The following MMP26 variants were observed in gnomAD, a reference collection of about 807,000 sequenced individuals.
The protein encoded by MMP26 is matrix metallopeptidase 26.
In MMP26, 33 loss-of-function variants were observed where a neutral mutation model predicts 31.0. The observed-to-expected ratio is 1.06, with a 90% CI of 0.81 to 1.42. The LOEUF (loss-of-function observed/expected upper bound fraction) is 1.42. Ranked by LOEUF, MMP26 falls within the 40% of genes most tolerant of loss-of-function variation. The pLI is 0.00. For missense variants in MMP26, 347 were observed against 316.1 expected, an observed-to-expected ratio of 1.10 and a Z score of -0.74; for synonymous variants, 122 against 114.9, an observed-to-expected ratio of 1.06 and a Z score of -0.40.
At chr11:4,738,940 A>C (rs1035570782) in intron 1 of MMP26, among the ~76,000 whole-genome samples, 1 of 151,858 alleles carries the variant, frequency 6.6e-6, no homozygotes, top group African/African-American at 2.4e-5. Flanking sequence ...TGGTCAATGG[A>C]TTTAACCCGT....
intron 1 of MMP26, among the ~76,000 whole-genome samples, chr11:4,726,084 G>T (rs1273754800): frequency 2.0e-5 from 3 of 152,072 alleles, no homozygotes; most frequent in Non-Finnish European, 4.4e-5. Flanking sequence ...TAGTTTGTTG[G>T]GAGACTTTGA....
At chr11:4,796,799 T>C (rs1338109057) in intron 2 of MMP26, among the ~76,000 whole-genome samples, 1 of 152,102 alleles carries the variant, frequency 6.6e-6, no homozygotes, top group African/African-American at 2.4e-5. Flanking sequence ...TCTCCTCCTT[T>C]GCTATACCTA....
chr11:4,822,484 T>C (rs1186223398), intron 2 of MMP26: 4 of 1,018,074 alleles, frequency 3.9e-6, no homozygotes, highest in African/African-American at 3.3e-5. Context: ...AACTAAGCAA[T>C]TTATAGGTTA....
intron 1 of MMP26, among the ~76,000 whole-genome samples, chr11:4,748,162 T>C (rs549373751): frequency 6.6e-6 from 1 of 152,154 alleles, no homozygotes; most frequent in East Asian, 1.9e-4. Context: ...CAAACTACTA[T>C]GAGCAACTCT....
intron 2 of MMP26, among the ~76,000 whole-genome samples, chr11:4,846,639 T>G (rs1028926466): frequency 6.6e-6 from 1 of 152,200 alleles, no homozygotes; most frequent in African/African-American, 2.4e-5. Flanking sequence ...TCACATTGCA[T>G]GCCTGTATCA....
intron 2 of MMP26, among the ~76,000 whole-genome samples, chr11:4,814,144 G>A (rs529712434): frequency 6.6e-6 from 1 of 152,298 alleles, no homozygotes; most frequent in Non-Finnish European, 1.5e-5. Context: ...ACAACACTAA[G>A]TATTGGTAAA....
intron 2 of MMP26, among the ~76,000 whole-genome samples, chr11:4,856,748 C>A (rs1246281508): frequency 1.3e-5 from 2 of 152,192 alleles, no homozygotes; most frequent in African/African-American, 2.4e-5. Context: ...GAACTCTCCA[C>A]CCCAAATCAA....
intron 2 of MMP26, among the ~76,000 whole-genome samples, chr11:4,768,479 A>G (rs1338792608): frequency 6.6e-6 from 1 of 152,230 alleles, no homozygotes; most frequent in Non-Finnish European, 1.5e-5. Context: ...TTTCTGCTAC[A>G]TGACTTTGGC....
intron 2 of MMP26, chr11:4,832,873 C>G (rs1849665263): frequency 5.1e-6 from 1 of 195,930 alleles, no homozygotes; most frequent in African/African-American, 2.3e-5. Context: ...CATATCTGTG[C>G]TGTACTCGTC....
At chr11:4,715,025 A>T (rs1478193419) in intron 1 of MMP26, among the ~76,000 whole-genome samples, 1 of 152,032 alleles carries the variant, frequency 6.6e-6, no homozygotes, top group East Asian at 1.9e-4. Context: ...ATATAATTTT[A>T]GGCAACACAG....
intron 2 of MMP26, among the ~76,000 whole-genome samples, chr11:4,940,395 T>C (rs536107026): frequency 5.3e-5 from 8 of 152,346 alleles, no homozygotes; most frequent in Admixed American, 4.6e-4. Context: ...TTATTTTTCT[T>C]GTTAATTTAA....
intron 1 of MMP26, among the ~76,000 whole-genome samples, chr11:4,724,636 G>C (rs11826347): frequency 0.018 from 2,717 of 152,294 alleles, 81 homozygotes; most frequent in African/African-American, 0.062. Flanking sequence ...AGGTTGCTAT[G>C]GTTCCTACAC....
chr11:4,784,065 G>A (rs780591631), intron 2 of MMP26, among the ~76,000 whole-genome samples: 7 of 152,196 alleles, frequency 4.6e-5, no homozygotes, highest in African/African-American at 1.7e-4. Flanking sequence ...AAGTGCAGGC[G>A]AGGCTTGGTA....
At chr11:4,929,801 A>G (rs1418479793) in intron 2 of MMP26, among the ~76,000 whole-genome samples, 3 of 152,010 alleles carry the variant, frequency 2.0e-5, no homozygotes, top group Non-Finnish European at 2.9e-5. Flanking sequence ...GTTTTTGAGC[A>G]TTTTCTCTGT....
intron 1 of MMP26, among the ~76,000 whole-genome samples, chr11:4,765,378 T>A (rs527512430): frequency 3.3e-5 from 5 of 152,350 alleles, no homozygotes. Flanking sequence ...CTTCCTTCTC[T>A]CTTTAACTCA....
intron 1 of MMP26, among the ~76,000 whole-genome samples, chr11:4,737,652 C>G (rs1372748253): frequency 6.8e-6 from 1 of 146,804 alleles, no homozygotes; most frequent in African/African-American, 2.6e-5. Flanking sequence ...TGAAACAAAA[C>G]AAAACAAACA....
chr11:4,798,202 G>T (rs566364955), intron 2 of MMP26, among the ~76,000 whole-genome samples: 63 of 152,292 alleles, frequency 4.1e-4, no homozygotes, highest in African/African-American at 1.5e-3. Flanking sequence ...GTGGGGATGG[G>T]GTGAAGGGAA....
intron 2 of MMP26, chr11:4,859,905 A>G (rs953547492): frequency 4.5e-5 from 21 of 471,122 alleles, no homozygotes; most frequent in South Asian, 1.1e-4. Context: ...GGGTGAGTAC[A>G]TAAGACAGTA....
Position 4,768,785 on chromosome 11 carries a change from A to C in MMP26, c.-145+1444A>C, listed in dbSNP as rs1184621018. Among the ~76,000 whole-genome samples, 6 of 152,346 alleles carry C rather than the reference A, an allele frequency of 3.9e-5. No homozygotes were observed. In the East Asian group the frequency reaches 1.2e-3, roughly 29 times the overall value. ...ATCATTTCATTATTGTTATTTTCCTAATTCCACTACAAATGTCTTGGGTGA... is the reference window on the plus strand; with the variant it reads ...ATCATTTCATTATTGTTATTTTCCTCATTCCACTACAAATGTCTTGGGTGA... On this transcript the variant is annotated intron_variant, in intron 2 of 7. Coordinates refer to ENST00000380390, the MANE Select transcript of MMP26 (RefSeq NM_021801.5).
Sources: allele counts gnomAD v4.1 joint callset (sites outside exome capture counted in the v4.1 genomes callset), GRCh38; gene constraint gnomAD v4.1.1; transcripts MANE v1.5; gene names NCBI Gene and HGNC (gene_info 2026-07-23, HGNC 2026-07-21).